The following EPB41L4A variants were observed in gnomAD, a reference collection of about 807,000 sequenced individuals.
EPB41L4A encodes the protein band 4.1-like protein 4A.
EPB41L4A carries 100 observed loss-of-function variants against 108.6 expected under a neutral mutation model. The ratio of observed to expected loss-of-function variants is 0.92; its 90% CI spans 0.78 to 1.09. The LOEUF is 1.09. Among genes scored for constraint, EPB41L4A ranks in the 50% least tolerant of loss-of-function variants. The pLI, the probability that EPB41L4A is intolerant of heterozygous loss-of-function variation, is 0.00. For missense variants in EPB41L4A, 1,030 were observed against 842.7 expected (o/e 1.22, Z -2.75); for synonymous variants, 319 against 289.0 (o/e 1.10, Z -1.05).
intron 9 of EPB41L4A, chr5:112,257,432 A>G (rs1751182240): frequency 6.6e-6 from 1 of 152,066 alleles, no homozygotes; most frequent in Non-Finnish European, 1.5e-5. Context: ...AAAGCTGAGG[A>G]AGGAATGAGG....
chr5:112,250,201 G>A (rs1195842935), intron 9 of EPB41L4A, among the ~76,000 whole-genome samples: 1 of 152,104 alleles, frequency 6.6e-6, no homozygotes, highest in Non-Finnish European at 1.5e-5. Flanking sequence ...AGCTATGTGG[G>A]TTATATTTCA....
At chr5:112,161,848 G>A (rs1216636563), downstream of EPB41L4A, 1 of 292,444 alleles carries the variant, frequency 3.4e-6, no homozygotes, top group Non-Finnish European at 6.8e-6. Flanking sequence ...TCCTTCTCTA[G>A]TGAGTTTTAA....
At chr5:112,169,616 T>C (rs1760457628) in intron 20 of EPB41L4A, among the ~76,000 whole-genome samples, 1 of 152,236 alleles carries the variant, frequency 6.6e-6, no homozygotes, top group Admixed American at 6.5e-5. Flanking sequence ...TGTATACATA[T>C]ATCAAAACAT....
chr5:112,291,350 T>C lies in EPB41L4A; in HGVS notation c.205-11027A>G, dbSNP rs73788246. On this transcript the variant is annotated intron_variant, in intron 2 of 22. Transcript: ENST00000261486. ...TGCCAGCTGTTCCTCCTGCCTGCCA[T>C]GCTCCTCCCCTTATCACTCCAGCCT... Among the ~76,000 whole-genome samples, 1,247 of 152,316 alleles carry C rather than the reference T, an allele frequency of 8.2e-3. 22 individuals are homozygous for C. Among genetic ancestry groups the C allele is most frequent in the African/African-American group, 0.028 (1,167 of 41,576 alleles).
chr5:112,206,274 G>C (rs1377212773), intron 13 of EPB41L4A, among the ~76,000 whole-genome samples: 1 of 151,770 alleles, frequency 6.6e-6, no homozygotes, highest in Non-Finnish European at 1.5e-5. Context: ...GCTTTTTGAG[G>C]AATCCTCTGT....
intron 2 of EPB41L4A, among the ~76,000 whole-genome samples, 162 bp downstream of exon 2, chr5:112,307,224 G>A (rs762208523): frequency 3.9e-5 from 6 of 152,094 alleles, no homozygotes; most frequent in Non-Finnish European, 5.9e-5. Flanking sequence ...TTTGGCAGAA[G>A]AGGAAAAAAT....
At chr5:112,199,209 G>A (rs567663630) in intron 15 of EPB41L4A, among the ~76,000 whole-genome samples, 31 of 152,260 alleles carry the variant, frequency 2.0e-4, no homozygotes, top group African/African-American at 6.7e-4. Flanking sequence ...AGATATAACC[G>A]TTTCAATGGA....
chr5:112,265,186 T>C (rs1469561372), intron 5 of EPB41L4A, among the ~76,000 whole-genome samples, 170 bp from the exon 6 acceptor site: 2 of 152,234 alleles, frequency 1.3e-5, no homozygotes, highest in South Asian at 2.1e-4. Flanking sequence ...CATATACGGA[T>C]GGTAGCAACA....
chr5:112,152,182 TA>T (rs1462642868), intron 12 of EPB41L4A, among the ~76,000 whole-genome samples: 1 of 138,862 alleles, frequency 7.2e-6, no homozygotes, highest in Non-Finnish European at 1.6e-5. Context: ...GACCAAAATA[TA>T]AAAAAAGAAA....
At chr5:112,214,842 C>T (rs1347887461) in intron 12 of EPB41L4A, among the ~76,000 whole-genome samples, 2 of 152,112 alleles carry the variant, frequency 1.3e-5, no homozygotes, top group African/African-American at 2.4e-5. Flanking sequence ...TGGGGCAATT[C>T]TTTACTTTCT....
At chr5:112,208,393 G>T (rs2150307591) in intron 13 of EPB41L4A, among the ~76,000 whole-genome samples, 1 of 152,138 alleles carries the variant, frequency 6.6e-6, no homozygotes, top group East Asian at 1.9e-4. Flanking sequence ...ATACTACACA[G>T]CCATAAAAAA....
At chr5:112,357,657 C>T (rs962456522) in intron 1 of EPB41L4A, among the ~76,000 whole-genome samples, 6 of 152,288 alleles carry the variant, frequency 3.9e-5, no homozygotes, top group South Asian at 2.1e-4. Context: ...GTAACTAGTA[C>T]ATTTGCTTGT....
chr5:112,415,848 A>G (rs1762683385), intron 1 of EPB41L4A, among the ~76,000 whole-genome samples: 1 of 152,206 alleles, frequency 6.6e-6, no homozygotes, highest in African/African-American at 2.4e-5. Flanking sequence ...GATAAGGTTC[A>G]AACTGTGAAC....
At chr5:112,412,557 C>T (rs1762472088) in intron 1 of EPB41L4A, among the ~76,000 whole-genome samples, 1 of 152,200 alleles carries the variant, frequency 6.6e-6, no homozygotes, top group Admixed American at 6.5e-5. Flanking sequence ...ACAAAGTAAA[C>T]TGACTGGTTC....
In EPB41L4A at chr5:112,419,164, C is replaced by T. The variant is rs2112860998; in HGVS notation, c.-125G>A. 2 of 667,916 alleles carry T rather than the reference C, an allele frequency of 3.0e-6. No individual in the cohort carries two copies. The highest frequency in any genetic ancestry group is 4.3e-4 in the Middle Eastern group (1 of 2,346). 41.4% of individuals were successfully genotyped at this position (667,916 alleles called of 1,614,324 possible). On this transcript the variant is annotated 5_prime_UTR_variant, in exon 1 of 23. Transcript: ENST00000261486. ...GTGGCGAGGGTGAGACGAGCAGCTC[C>T]CGGCGGGGTCCGGGGACCGGCCGCC...
At chr5:112,302,282 G>C (rs1456133063) in intron 2 of EPB41L4A, among the ~76,000 whole-genome samples, 1 of 152,094 alleles carries the variant, frequency 6.6e-6, no homozygotes. Context: ...GAGGCAGGAG[G>C]ATCACTAGAG....
intron 12 of EPB41L4A, among the ~76,000 whole-genome samples, chr5:112,229,243 G>A (rs1395859813): frequency 6.6e-6 from 1 of 151,786 alleles, no homozygotes; most frequent in East Asian, 1.9e-4. Context: ...TTATTCATTT[G>A]CATATTTTCA....
chr5:112,184,389 A>G (rs1173949501), intron 17 of EPB41L4A, among the ~76,000 whole-genome samples: 1 of 152,216 alleles, frequency 6.6e-6, no homozygotes. Context: ...TCTAGGAAAA[A>G]GACATGTATC....
intron 1 of EPB41L4A, among the ~76,000 whole-genome samples, chr5:112,418,416 T>C (rs1400755608): frequency 6.6e-6 from 1 of 152,202 alleles, no homozygotes; most frequent in East Asian, 1.9e-4. Context: ...CCCAGGTCGC[T>C]GTAGAAAGGG....
Sources: allele counts gnomAD v4.1 joint callset (sites outside exome capture counted in the v4.1 genomes callset), GRCh38; gene constraint gnomAD v4.1.1; transcripts MANE v1.5; gene names NCBI Gene and HGNC (gene_info 2026-07-23, HGNC 2026-07-21).